Variants in DENND2A observed in about 807,000 individuals in gnomAD.
DENND2A encodes DENN domain-containing protein 2A.
In DENND2A, 53 loss-of-function variants were observed where a neutral mutation model predicts 105.3. The ratio of observed to expected loss-of-function variants is 0.50; its 90% confidence interval spans 0.40 to 0.63. The LOEUF is 0.63. Ranked by LOEUF, DENND2A falls within the 30% of genes least tolerant of loss-of-function variation. The pLI is 0.00. For synonymous variants in DENND2A, 522 were observed against 508.4 expected (o/e 1.03, Z -0.36); for missense variants, 1,138 against 1,279.6 (o/e 0.89, Z 1.69).
chr7:140,549,973 G>A (rs1484412811), intron 12 of DENND2A, among the ~76,000 whole-genome samples: 4 of 152,130 alleles, frequency 2.6e-5, no homozygotes, highest in African/African-American at 9.7e-5. Flanking sequence ...TACATGCTAC[G>A]ACATGAGTGA....
Position 140,527,358 on chromosome 7 carries a change from G to A in DENND2A, c.2465C>T (p.Ser822Phe), listed in dbSNP as rs372774479. Reference sequence around the variant, plus strand: ...CTCCCTGAGCAGTGGCAGCGAGCTGGAGAGCAGCCCGATGAGGAAGGGCGT... The same window carrying A: ...CTCCCTGAGCAGTGGCAGCGAGCTGAAGAGCAGCCCGATGAGGAAGGGCGT... ...SPTPFLIGLL[S>F]SSLPLLRELP... is the part of the protein sequence containing the mutation. The change falls in exon 15 of 20, where the codon TCC (serine) becomes TTC (phenylalanine). Residue 822 changes from serine (S) to phenylalanine (F), a missense_variant. Physicochemically the swap from Ser to Phe is radical, Grantham distance 155. Coordinates refer to ENST00000496613, the MANE Select transcript of DENND2A (RefSeq NM_015689.5). The surrounding 1 kb of genome is among the most constrained non-coding windows in gnomAD (Gnocchi z 4.9). The A allele has an allele frequency of 6.2e-6, 10 of 1,601,738 alleles. No individual in the cohort carries two copies. The highest frequency in any genetic ancestry group is 8.5e-6 in the Non-Finnish European group (10 of 1,175,796).
chr7:140,639,969 G>A (rs1056316055), intron 1 of DENND2A, among the ~76,000 whole-genome samples: 1 of 152,180 alleles, frequency 6.6e-6, no homozygotes, highest in East Asian at 1.9e-4. Context: ...CCACCCTTGG[G>A]GACAAAGTGG....
intron 12 of DENND2A, among the ~76,000 whole-genome samples, chr7:140,554,590 C>T (rs1165871157): frequency 6.6e-6 from 1 of 152,062 alleles, no homozygotes; most frequent in Non-Finnish European, 1.5e-5. Flanking sequence ...GAGCCGAGAT[C>T]GCACCACTAC....
chr7:140,532,823 A>G (rs1196769742), intron 14 of DENND2A, among the ~76,000 whole-genome samples: 1 of 152,030 alleles, frequency 6.6e-6, no homozygotes, highest in East Asian at 1.9e-4. Flanking sequence ...TCTGGAGTTC[A>G]AGTCCAGCCT....
rs773384220 is a variant in DENND2A, at chr7:140,544,611, C to A, written c.2327+7G>T. 3 of 1,614,120 alleles carry A rather than the reference C, an allele frequency of 1.9e-6. No homozygotes were observed. Among genetic ancestry groups the A allele is most frequent in the Non-Finnish European group, 2.5e-6 (3 of 1,180,034 alleles). ...AACGCTTTAGCAGAAGTAGCCAAGG[C>A]GGGTACCTGAGCTTGTCTGCAATGA... On this transcript the variant is annotated splice_region_variant and intron_variant, in intron 14 of 19. Transcript: ENST00000496613.
chr7:140,561,650 T>C (rs146269255), intron 9 of DENND2A, among the ~76,000 whole-genome samples: 3,488 of 149,832 alleles, frequency 0.023, 52 homozygotes, highest in South Asian at 0.041. Flanking sequence ...ATTACAGGCA[T>C]GCACCACCAC....
intron 14 of DENND2A, among the ~76,000 whole-genome samples, chr7:140,539,185 C>G (rs1206486897): frequency 6.6e-6 from 1 of 152,204 alleles, no homozygotes; most frequent in Admixed American, 6.6e-5. Context: ...TCCCCAAACC[C>G]TTGTTTGTCA....
chr7:140,574,007 T>C lies in DENND2A; in HGVS notation c.1247A>G (p.Gln416Arg), dbSNP rs778875168. ...GAAAAAAGCAGGTTTGGACAATGAC[T>C]GCTGTGAAGGAAAAGGAGAAAAGAA... ...TSSIPDTLTK[Q>R]SLSKPAFFRQ... Residue 416 changes from glutamine to arginine, a missense_variant and splice_region_variant, in exon 6 of 20, where the codon CAG becomes CGG. Coordinates refer to ENST00000496613, the MANE Select transcript of DENND2A (RefSeq NM_015689.5). 6.2e-7 allele frequency: 1 copy of C among 1,613,934 alleles called. No homozygotes were observed. The highest frequency in any genetic ancestry group is 8.5e-7 in the Non-Finnish European group (1 of 1,180,024).
intron 5 of DENND2A, 95 bp downstream of exon 5, chr7:140,585,494 T>C: frequency 5.8e-6 from 9 of 1,543,716 alleles, no homozygotes; most frequent in Non-Finnish European, 8.0e-6. Flanking sequence ...CAGGTGGAGG[T>C]GGCCTGGAAT....
At chr7:140,624,895 G>C (rs1325592676) in intron 1 of DENND2A, among the ~76,000 whole-genome samples, 3 of 138,864 alleles carry the variant, frequency 2.2e-5, no homozygotes, top group African/African-American at 8.5e-5. Context: ...TTTTGAGACA[G>C]CATCTCTCTC....
In DENND2A at chr7:140,591,690, T is replaced by C. The variant is rs560925369; in HGVS notation, c.996-3910A>G. Reference sequence around the variant, plus strand: ...TTCTTTCTCTTTCTTTCTTTCTTTCTTTCCTTCCTTCCTTCCTTCTTTCTC... The same window carrying C: ...TTCTTTCTCTTTCTTTCTTTCTTTCCTTCCTTCCTTCCTTCCTTCTTTCTC... On this transcript the variant is annotated intron_variant, in intron 3 of 19. Coordinates refer to ENST00000496613, the MANE Select transcript of DENND2A (RefSeq NM_015689.5). Among the ~76,000 whole-genome samples, 21 of 138,676 alleles carry C rather than the reference T, an allele frequency of 1.5e-4. No individual in the cohort carries two copies. The South Asian group carries it at 2.3e-3, about 15-fold the overall frequency. 91.0% of individuals were successfully genotyped at this position (138,676 alleles called of 152,430 possible). A position where few individuals can be genotyped will look rare whatever the true frequency, so the allele number is the denominator to read the frequency against.
At chr7:140,599,740 T>G (rs1799415110) in intron 3 of DENND2A, among the ~76,000 whole-genome samples, 1 of 152,048 alleles carries the variant, frequency 6.6e-6, no homozygotes, top group Admixed American at 6.6e-5. Flanking sequence ...GCAAACTTTT[T>G]CCCCCTTGAA....
intron 14 of DENND2A, among the ~76,000 whole-genome samples, chr7:140,540,414 T>C (rs1377844029): frequency 6.6e-6 from 1 of 152,244 alleles, no homozygotes; most frequent in East Asian, 1.9e-4. Context: ...CCAGGCACTA[T>C]GGAAGGTTGG....
At position 140,573,118 on chromosome 7, in the gene DENND2A, C is replaced by T. The variant is rs115571725; in HGVS notation, c.1446+690G>A. On this transcript the variant is annotated intron_variant, in intron 6 of 19. Transcript: ENST00000496613. ...GGCCCAGTCACTTCTTTGGGTCTTA[C>T]ATTTTTCTTTTGAGGGCTCCCACGT... Among the ~76,000 whole-genome samples, 933 of 152,278 alleles carry T rather than the reference C, an allele frequency of 6.1e-3. 6 individuals are homozygous for T. Among genetic ancestry groups the T allele is most frequent in the African/African-American group, 0.021 (865 of 41,564 alleles).
chr7:140,522,129 G>T (rs201876576), intron 17 of DENND2A, 29 bp from the exon 18 acceptor site: 1 of 1,612,382 alleles, frequency 6.2e-7, no homozygotes, highest in African/African-American at 1.3e-5. Flanking sequence ...GGCCAGGAAC[G>T]GTGAGGGCAG....
chr7:140,633,732 C>T (rs1438178664), intron 1 of DENND2A, among the ~76,000 whole-genome samples: 5 of 152,062 alleles, frequency 3.3e-5, no homozygotes, highest in African/African-American at 9.7e-5. Context: ...TATGGAAACA[C>T]GAAACCAACA....
At chr7:140,533,458 T>C (rs1177601421) in intron 14 of DENND2A, among the ~76,000 whole-genome samples, 4 of 152,168 alleles carry the variant, frequency 2.6e-5, no homozygotes, top group Non-Finnish European at 4.4e-5. Flanking sequence ...CCCCAGGGCC[T>C]GGGACACCCG....
chr7:140,579,993 G>A (rs1004643902), intron 5 of DENND2A, among the ~76,000 whole-genome samples: 2 of 152,074 alleles, frequency 1.3e-5, no homozygotes, highest in Admixed American at 1.3e-4. Context: ...AATTAGCTGG[G>A]CATGGTGGTG....
At chr7:140,576,027 G>T (rs1413058828) in intron 5 of DENND2A, among the ~76,000 whole-genome samples, 1 of 147,686 alleles carries the variant, frequency 6.8e-6, no homozygotes, top group South Asian at 2.1e-4. Flanking sequence ...GGTTCTTTCA[G>T]ATATATATAT....
Sources: allele counts gnomAD v4.1 joint callset (sites outside exome capture counted in the v4.1 genomes callset), GRCh38; gene constraint gnomAD v4.1.1; non-coding constraint Gnocchi (gnomAD v3.1); transcripts MANE v1.5; gene names NCBI Gene and HGNC (gene_info 2026-07-23, HGNC 2026-07-21).